Variants in PLPPR1 observed in about 807,000 individuals in gnomAD.
PLPPR1 encodes phospholipid phosphatase-related protein type 1.
PLPPR1 carries 10 observed loss-of-function variants against 33.1 expected under a neutral mutation model. The ratio of observed to expected loss-of-function variants is 0.30; its 90% CI spans 0.19 to 0.51. PLPPR1 has a LOEUF of 0.51. Ranked by LOEUF, PLPPR1 falls within the 20% of genes least tolerant of loss-of-function variation. The pLI is 0.97. For synonymous variants in PLPPR1, 151 were observed against 151.0 expected (o/e 1.00, Z 0.00); for missense variants, 304 against 408.1 (o/e 0.74, Z 2.20).
At chr9:101,267,768 G>A (rs1176273009) in intron 2 of PLPPR1, among the ~76,000 whole-genome samples, 2 of 151,340 alleles carry the variant, frequency 1.3e-5, no homozygotes, top group Non-Finnish European at 2.9e-5. Context: ...TTGGAAGGCC[G>A]AGGTGGGTGG....
chr9:101,174,858 C>G (rs758543010), intron 1 of PLPPR1, among the ~76,000 whole-genome samples: 2 of 152,096 alleles, frequency 1.3e-5, no homozygotes, highest in Non-Finnish European at 2.9e-5. Flanking sequence ...AATTAATTAG[C>G]AAGAAACATC....
chr9:101,261,161 C>T (rs561117680), intron 2 of PLPPR1, among the ~76,000 whole-genome samples: 1 of 152,126 alleles, frequency 6.6e-6, no homozygotes, highest in Non-Finnish European at 1.5e-5. Context: ...ACTCATTATA[C>T]CTCACAGAGT....
intron 1 of PLPPR1, among the ~76,000 whole-genome samples, chr9:101,175,150 A>G (rs1346941): frequency 0.45 from 68,791 of 151,820 alleles, 16,663 homozygotes; most frequent in African/African-American, 0.59. Context: ...TCTCTCTCTC[A>G]TGTCTGATAG....
At chr9:101,082,384 T>A (rs1830630763) in intron 1 of PLPPR1, among the ~76,000 whole-genome samples, 1 of 152,190 alleles carries the variant, frequency 6.6e-6, no homozygotes, top group South Asian at 2.1e-4. Flanking sequence ...GGTGTTGGGG[T>A]AAGCAGAAAA....
intron 2 of PLPPR1, among the ~76,000 whole-genome samples, chr9:101,252,925 C>A (rs1827737613): frequency 6.6e-6 from 1 of 151,848 alleles, no homozygotes; most frequent in Non-Finnish European, 1.5e-5. Flanking sequence ...AATGTGGAGT[C>A]ATAAAATCAT....
intron 1 of PLPPR1, among the ~76,000 whole-genome samples, chr9:101,074,296 T>C (rs1830512269): frequency 6.6e-6 from 1 of 152,160 alleles, no homozygotes; most frequent in African/African-American, 2.4e-5. Context: ...CCTCAGTTAT[T>C]AGAAATAGAT....
At chr9:101,203,701 A>G (rs1476892971) in intron 2 of PLPPR1, among the ~76,000 whole-genome samples, 1 of 58,550 alleles carries the variant, frequency 1.7e-5, no homozygotes, top group Non-Finnish European at 4.9e-5. Context: ...TAGATACATT[A>G]TATATCTATA....
intron 2 of PLPPR1, among the ~76,000 whole-genome samples, chr9:101,214,402 G>C (rs1318260303): frequency 1.3e-5 from 2 of 152,064 alleles, no homozygotes; most frequent in Admixed American, 1.3e-4. Context: ...TATGTGATAG[G>C]TGTGTAGATA....
At chr9:101,210,775 GT>G (rs1407901879) in intron 2 of PLPPR1, among the ~76,000 whole-genome samples, 12 of 152,096 alleles carry the variant, frequency 7.9e-5, no homozygotes, top group African/African-American at 2.9e-4. Flanking sequence ...GTTTTGTTTT[GT>G]TTTGTTTTTG....
intron 3 of PLPPR1, among the ~76,000 whole-genome samples, chr9:101,274,020 C>A (rs972456914): frequency 2.0e-5 from 3 of 152,178 alleles, no homozygotes; most frequent in African/African-American, 7.2e-5. Context: ...CTTATCTCTT[C>A]CATTAATTCA....
chr9:101,298,728 C>A, intron 4 of PLPPR1, among the ~76,000 whole-genome samples: 1 of 150,814 alleles, frequency 6.6e-6, no homozygotes, highest in South Asian at 2.1e-4. Context: ...ATGAGTGAAC[C>A]AAATAGAAAT....
intron 1 of PLPPR1, among the ~76,000 whole-genome samples, chr9:101,064,399 GGAAT>G (rs532176779): frequency 6.6e-6 from 1 of 151,936 alleles, no homozygotes; most frequent in Non-Finnish European, 1.5e-5. Context: ...GAATATTTAT[GGAAT>G]GAATGAATGA....
At chr9:101,044,414 T>G (rs1437621798) in intron 1 of PLPPR1, among the ~76,000 whole-genome samples, 1 of 152,154 alleles carries the variant, frequency 6.6e-6, no homozygotes, top group African/African-American at 2.4e-5. Flanking sequence ...GTGAGATTTC[T>G]GTCAAAAGTT....
At chr9:101,322,719 A>G (rs1452596433) in intron 7 of PLPPR1, among the ~76,000 whole-genome samples, 4 of 152,228 alleles carry the variant, frequency 2.6e-5, no homozygotes, top group Non-Finnish European at 5.9e-5. Context: ...ATTTGACATA[A>G]TTACAAGGAA....
chr9:101,254,997 C>T (rs780368208), intron 2 of PLPPR1, among the ~76,000 whole-genome samples: 3 of 152,158 alleles, frequency 2.0e-5, no homozygotes, highest in Non-Finnish European at 4.4e-5. Flanking sequence ...CTTGGCTGTG[C>T]ATGGTGTTTC....
chr9:101,031,968 T>C (rs61212503), intron 1 of PLPPR1, among the ~76,000 whole-genome samples: 285 of 152,192 alleles, frequency 1.9e-3, no homozygotes, highest in African/African-American at 6.6e-3. Flanking sequence ...AGGGAGGGCA[T>C]CCAACTCAAG....
chr9:101,147,386 T>C (rs1203428968), intron 1 of PLPPR1, among the ~76,000 whole-genome samples: 1 of 152,208 alleles, frequency 6.6e-6, no homozygotes, highest in Non-Finnish European at 1.5e-5. Context: ...ATATTTTGAA[T>C]TACTCTGGGA....
intron 3 of PLPPR1, among the ~76,000 whole-genome samples, chr9:101,280,932 C>G (rs1343078023): frequency 2.6e-5 from 4 of 151,802 alleles, no homozygotes; most frequent in Admixed American, 2.0e-4. Context: ...AGCAATCAGA[C>G]AAAAGAAAGA....
intron 1 of PLPPR1, among the ~76,000 whole-genome samples, chr9:101,127,099 G>A (rs1402016096): frequency 6.6e-6 from 1 of 152,170 alleles, no homozygotes. Flanking sequence ...AGAAAAATAA[G>A]CAGAATGTCT....
Sources: gnomAD v4.1 joint callset for allele counts (sites outside exome capture counted in the v4.1 genomes callset) on GRCh38, gnomAD v4.1.1 for gene constraint, MANE v1.5 for transcripts, NCBI Gene and HGNC (gene_info 2026-07-23, HGNC 2026-07-21) for gene names.